VRK2: variants seen among roughly 807,000 people sequenced by gnomAD.
VRK2 encodes VRK serine/threonine kinase 2, also known as serine/threonine-protein kinase VRK2.
In VRK2, 60 loss-of-function variants were observed where a neutral mutation model predicts 57.6. The ratio of observed to expected loss-of-function variants is 1.04; its 90% confidence interval spans 0.85 to 1.29. The LOEUF is 1.29. VRK2 is among the 50% of genes most tolerant of loss of function. The pLI, the probability that VRK2 is intolerant of heterozygous loss-of-function variation, is 0.00. For missense variants in VRK2, 705 were observed against 588.1 expected, an observed-to-expected ratio of 1.20 and a Z score of -2.06; for synonymous variants, 231 against 199.2, an observed-to-expected ratio of 1.16 and a Z score of -1.35.
chr2:57,962,090 A>T (rs1009874496), intron 1 of VRK2, among the ~76,000 whole-genome samples: 1 of 152,164 alleles, frequency 6.6e-6, no homozygotes, highest in African/African-American at 2.4e-5. Context: ...ACAAACAAAC[A>T]AACAAACAAA....
chr2:58,006,643 C>A (rs1673254088), intron 1 of VRK2, among the ~76,000 whole-genome samples: 2 of 152,020 alleles, frequency 1.3e-5, no homozygotes, highest in African/African-American at 4.8e-5. Flanking sequence ...ATCCTGGATG[C>A]CAAGGGCCAA....
chr2:58,103,045 G>T (rs1449334761), intron 7 of VRK2, among the ~76,000 whole-genome samples: 1 of 151,228 alleles, frequency 6.6e-6, no homozygotes, highest in Non-Finnish European at 1.5e-5. Context: ...AATGAAAATG[G>T]AGACACAACA....
chr2:57,909,138 C>G (rs1267058729), intron 1 of VRK2, among the ~76,000 whole-genome samples: 1 of 152,158 alleles, frequency 6.6e-6, no homozygotes, highest in African/African-American at 2.4e-5. Context: ...TCCTGATTCT[C>G]AAGTGAGTGC....
intron 1 of VRK2, among the ~76,000 whole-genome samples, chr2:57,932,633 T>G (rs935932835): frequency 1.3e-5 from 2 of 152,070 alleles, no homozygotes; most frequent in African/African-American, 4.8e-5. Context: ...TTTTTAAAAT[T>G]TTACTCTTTT....
chr2:57,968,490 C>T lies in VRK2; in HGVS notation c.-438-57175C>T, dbSNP rs142551191. ...TAGACTCATATCAGAGGAACAACAACTAAATTGGTCTCAGAATGCTAGAAG... is the reference window on the plus strand; with the variant it reads ...TAGACTCATATCAGAGGAACAACAATTAAATTGGTCTCAGAATGCTAGAAG... On this transcript the variant is annotated intron_variant, in intron 1 of 15. Transcript: ENST00000417641. 5.8e-3 allele frequency among the ~76,000 whole-genome samples: 878 copies of T among 152,102 alleles called. 9 individuals are homozygous for T. The highest frequency in any genetic ancestry group is 0.02 in the African/African-American group (825 of 41,508).
At chr2:57,918,383 A>G (rs1028662755) in intron 1 of VRK2, among the ~76,000 whole-genome samples, 1 of 152,084 alleles carries the variant, frequency 6.6e-6, no homozygotes, top group African/African-American at 2.4e-5. Flanking sequence ...TGCATATAAA[A>G]TATAGTTCAT....
intron 3 of VRK2, among the ~76,000 whole-genome samples, chr2:58,040,551 G>A (rs1433299235): frequency 6.6e-6 from 1 of 152,170 alleles, no homozygotes; most frequent in African/African-American, 2.4e-5. Context: ...GAGAAATTGT[G>A]ACCCAAAGCG....
chr2:57,909,527 G>C (rs959519793), intron 1 of VRK2, among the ~76,000 whole-genome samples: 13 of 151,762 alleles, frequency 8.6e-5, no homozygotes, highest in African/African-American at 3.1e-4. Flanking sequence ...ATATAGTACT[G>C]GATAAAACCA....
chr2:58,009,405 T>A (rs920737975), intron 1 of VRK2, among the ~76,000 whole-genome samples: 2 of 151,724 alleles, frequency 1.3e-5, no homozygotes, highest in African/African-American at 4.8e-5. Context: ...TTGTACTGAA[T>A]ATCAGCCATG....
At position 57,987,779 on chromosome 2, in the gene VRK2, T is replaced by C. The variant is rs571671079; in HGVS notation, c.-438-37886T>C. 1.6e-4 allele frequency among the ~76,000 whole-genome samples: 24 copies of C among 152,260 alleles called. 1 individual carries two copies. The highest frequency in any genetic ancestry group is 5.5e-4 in the African/African-American group (23 of 41,552). ...TTGGCTAGGAAATGGGCAAAAAAGA[T>C]TGTGGAACCTCCATTCAATAAAATA... On this transcript the variant is annotated intron_variant, in intron 1 of 15. Coordinates refer to the VRK2 transcript ENST00000417641.
In VRK2 at chr2:58,084,041, A is replaced by C. The variant is rs770181830; in HGVS notation, c.137-48A>C. ...GTTTGGGATATGGTAGGTATTCAGT[A>C]ATTGGGAATAACTATTTTTCTCCAT... On this transcript the variant is annotated intron_variant, in intron 2 of 12. Coordinates refer to ENST00000340157, the MANE Select transcript of VRK2 (RefSeq NM_006296.7). 1.8e-5 allele frequency: 28 copies of C among 1,591,102 alleles called. 1 individual carries two copies. Among genetic ancestry groups the C allele is most frequent in the Non-Finnish European group, 2.0e-5 (23 of 1,164,706 alleles).
chr2:58,114,594 T>C (rs1676131103), intron 7 of VRK2, among the ~76,000 whole-genome samples: 1 of 152,140 alleles, frequency 6.6e-6, no homozygotes, highest in Admixed American at 6.5e-5. Flanking sequence ...CAGTCCTTTT[T>C]AAGTTGGTGG....
At chr2:58,101,308 A>G (rs1041003454) in intron 7 of VRK2, among the ~76,000 whole-genome samples, 2 of 151,814 alleles carry the variant, frequency 1.3e-5, no homozygotes, top group South Asian at 2.1e-4. Context: ...TATGACTATC[A>G]CTTTTAAATT....
At chr2:58,134,884 T>C (rs115289224) in intron 9 of VRK2, among the ~76,000 whole-genome samples, 2,273 of 152,294 alleles carry the variant, frequency 0.015, 74 homozygotes, top group African/African-American at 0.053. Flanking sequence ...GCAACCCTTA[T>C]GGTGGGTGAG....
intron 1 of VRK2, among the ~76,000 whole-genome samples, chr2:57,933,416 G>C (rs566080367): frequency 7.2e-6 from 1 of 138,642 alleles, no homozygotes; most frequent in African/African-American, 2.8e-5. Flanking sequence ...AGGTTCAAGC[G>C]ATTCTTCTGC....
intron 2 of VRK2, among the ~76,000 whole-genome samples, 194 bp from the exon 3 acceptor site, chr2:58,083,895 T>G (rs1671248438): frequency 6.6e-6 from 1 of 151,856 alleles, no homozygotes; most frequent in Admixed American, 6.6e-5. Flanking sequence ...AGTGAGCAAT[T>G]TATTCAACGT....
intron 1 of VRK2, among the ~76,000 whole-genome samples, chr2:58,012,637 A>T (rs1410859739): frequency 1.3e-5 from 2 of 152,192 alleles, no homozygotes; most frequent in Non-Finnish European, 2.9e-5. Flanking sequence ...AAACCATGTA[A>T]GGGCCTACCT....
chr2:58,085,798 G>A (rs1233231936), intron 4 of VRK2, among the ~76,000 whole-genome samples: 1 of 151,514 alleles, frequency 6.6e-6, no homozygotes, highest in Non-Finnish European at 1.5e-5. Flanking sequence ...ATAGGCTAGA[G>A]TCATGAAAAA....
intron 1 of VRK2, among the ~76,000 whole-genome samples, chr2:57,953,965 C>T (rs1240261136): frequency 1.3e-5 from 2 of 152,108 alleles, no homozygotes; most frequent in Non-Finnish European, 2.9e-5. Context: ...CTTTCCCTGG[C>T]AAAACTTCTT....
Sources: gnomAD v4.1 joint callset for allele counts (sites outside exome capture counted in the v4.1 genomes callset) on GRCh38, gnomAD v4.1.1 for gene constraint, MANE v1.5 for transcripts, NCBI Gene and HGNC (gene_info 2026-07-23, HGNC 2026-07-21) for gene names.